PDCD11: variants seen among roughly 807,000 people sequenced by gnomAD.
PDCD11 encodes programmed cell death 11.
In PDCD11, 97 loss-of-function variants were observed where a neutral mutation model predicts 198.9. The ratio of observed to expected loss-of-function variants is 0.49; its 90% CI spans 0.41 to 0.58. PDCD11 has a LOEUF of 0.58. PDCD11 is among the 20% of genes least tolerant of loss of function. PDCD11 has a pLI of 0.00. For synonymous variants in PDCD11, 893 were observed against 918.0 expected (o/e 0.97, Z 0.49); for missense variants, 2,102 against 2,312.7 (o/e 0.91, Z 1.87).
At chr10:103,399,107 G>GT (rs71019680) in intron 2 of PDCD11, among the ~76,000 whole-genome samples, 1,814 of 125,884 alleles carry the variant, frequency 0.014, 13 homozygotes, top group Admixed American at 0.023. Context: ...AGAGGAAGCA[G>GT]TTTTTTTTTT....
At chr10:103,401,460 G>A (rs2030055240) in intron 3 of PDCD11, among the ~76,000 whole-genome samples, 1 of 151,876 alleles carries the variant, frequency 6.6e-6, no homozygotes, top group Non-Finnish European at 1.5e-5. Context: ...TAATAGAGAC[G>A]GGGTTTCACC....
rs192987206 is a variant in PDCD11 at position 103,439,963 on chromosome 10, T to C, written c.4148+95T>C. The C allele has an allele frequency of 1.3e-4, 190 of 1,454,244 alleles. No homozygotes were observed. In the Middle Eastern group the frequency reaches 1.8e-3, roughly 13 times the overall value. 90.1% of individuals were successfully genotyped at this position (1,454,244 alleles called of 1,614,324 possible). ...GAGATTTCAGGGTGAACTGTAAACA[T>C]AATGGCTTGCGTAGTGGTGTTCAGA... On this transcript the variant is annotated intron_variant, in intron 28 of 35. Transcript: ENST00000369797.
chr10:103,432,068 T>C, intron 21 of PDCD11, 61 bp from the exon 22 acceptor site: 2 of 1,308,636 alleles, frequency 1.5e-6, no homozygotes, highest in Non-Finnish European at 2.2e-6. Context: ...GAGAGATGGT[T>C]TCAAACTGGA....
intron 14 of PDCD11, 139 bp from the exon 15 acceptor site, chr10:103,418,301 G>C (rs1023799176): frequency 1.3e-5 from 9 of 680,844 alleles, no homozygotes; most frequent in African/African-American, 1.3e-4. Context: ...GGTTGGGGTG[G>C]TGGGTGGGGT....
rs375241866 is a variant in PDCD11, at chr10:103,415,935, G to A, written c.1519-556G>A. Among the ~76,000 whole-genome samples, 193 of 152,280 alleles carry A rather than the reference G, an allele frequency of 1.3e-3. 1 individual carries two copies. The highest frequency in any genetic ancestry group is 4.4e-3 in the African/African-American group (183 of 41,546). ...AGGCACTCAGCATGTTAGATTTTCC[G>A]GTATTCAGTTTATCTCATCGTTATT... On this transcript the variant is annotated intron_variant, in intron 12 of 35. Coordinates refer to ENST00000369797, the MANE Select transcript of PDCD11 (RefSeq NM_014976.2).
chr10:103,409,483 G>A (rs2030663338), intron 7 of PDCD11, among the ~76,000 whole-genome samples: 1 of 152,162 alleles, frequency 6.6e-6, no homozygotes, highest in Non-Finnish European at 1.5e-5. Flanking sequence ...TCTCTTAGCT[G>A]GAAGGGAGGT....
At chr10:103,401,883 C>T (rs1427928382) in intron 3 of PDCD11, among the ~76,000 whole-genome samples, 2 of 152,062 alleles carry the variant, frequency 1.3e-5, no homozygotes, top group Admixed American at 6.5e-5. Flanking sequence ...GCTGGGACTA[C>T]AGGCGCCCGC....
At chr10:103,422,172 C>G (rs1279669037) in intron 17 of PDCD11, among the ~76,000 whole-genome samples, 1 of 150,648 alleles carries the variant, frequency 6.6e-6, no homozygotes, top group East Asian at 2.0e-4. Context: ...CTTCCACCCC[C>G]CAGGTTCAAG....
rs1592126339 is a variant in PDCD11, at chr10:103,419,650, A to G, written c.2219A>G (p.Lys740Arg). 6.2e-7 allele frequency: 1 copy of G among 1,614,192 alleles called. No homozygotes were observed. The highest frequency in any genetic ancestry group is 8.5e-7 in the Non-Finnish European group (1 of 1,180,022). Residue 740 changes from lysine (K) to arginine (R), a missense_variant, in exon 16 of 36, where the codon AAG becomes AGG. By Grantham distance (26) the Lys-to-Arg change is conservative. Coordinates refer to ENST00000369797, the MANE Select transcript of PDCD11 (RefSeq NM_014976.2). ...CTCATTGGTTTTGTGAAGAGCATCA[A>G]GGACTATGGCGTGTTCATCCAGTTC... ...MLLIGFVKSIKDYGVFIQFPS... is the reference protein window; with the variant it reads ...MLLIGFVKSIRDYGVFIQFPS...
rs1356489746 is a variant in PDCD11 at position 103,432,134 on chromosome 10, T to A, written c.3374T>A (p.Leu1125Gln). ...IPELSVRPSELEDGHTALNTH... is the reference protein window; with the variant it reads ...IPELSVRPSEQEDGHTALNTH... ...CATTTCCTTTCTGCAAACAGTGAGC[T>A]GGAGGATGGCCACACTGCTCTTAAC... The change falls in exon 22 of 36, where the codon CTG becomes CAG. Residue 1125 changes from leucine to glutamine, a missense_variant. Coordinates refer to ENST00000369797, the MANE Select transcript of PDCD11 (RefSeq NM_014976.2). 13 of 1,611,732 alleles carry A rather than the reference T, an allele frequency of 8.1e-6. No homozygotes were observed. The highest frequency in any genetic ancestry group is 1.1e-5 in the Non-Finnish European group (13 of 1,177,922).
At chr10:103,443,828 C>G (rs1233975175) in intron 33 of PDCD11, 87 bp from the exon 34 acceptor site, 3 of 1,380,310 alleles carry the variant, frequency 2.2e-6, no homozygotes, top group Non-Finnish European at 3.0e-6. Context: ...GAGCCCAGGT[C>G]TAGCTTCTTG....
chr10:103,415,891 A>G (rs2031080565), intron 12 of PDCD11, among the ~76,000 whole-genome samples: 1 of 152,242 alleles, frequency 6.6e-6, no homozygotes. Context: ...GATGATGCAC[A>G]CAAGAGTGCT....
chr10:103,433,279 C>A (rs755153944), intron 22 of PDCD11, among the ~76,000 whole-genome samples: 9 of 152,056 alleles, frequency 5.9e-5, no homozygotes, highest in Non-Finnish European at 8.8e-5. Context: ...CAGATCACTT[C>A]AGGTCAGGAG....
At chr10:103,398,608 A>C in intron 2 of PDCD11, 80 bp downstream of exon 2, 1 of 933,414 alleles carries the variant, frequency 1.1e-6, no homozygotes, top group Non-Finnish European at 1.7e-6. Flanking sequence ...TTATTTGAGA[A>C]TGTGTTATTT....
Position 103,433,944 on chromosome 10 carries a change from T to G in PDCD11, c.3475-4T>G. ...CCCTACTCTGGTTCCTTTTTTTCCCTCAGTACAATGTGGTGAAGAAATGGC... is the reference window on the plus strand; with the variant it reads ...CCCTACTCTGGTTCCTTTTTTTCCCGCAGTACAATGTGGTGAAGAAATGGC... On this transcript the variant is annotated splice_region_variant and splice_polypyrimidine_tract_variant and intron_variant, in intron 22 of 35. Coordinates refer to ENST00000369797, the MANE Select transcript of PDCD11 (RefSeq NM_014976.2). The G allele has an allele frequency of 6.2e-7, 1 of 1,611,014 alleles. No homozygotes were observed. Among genetic ancestry groups the G allele is most frequent in the Non-Finnish European group, 8.5e-7 (1 of 1,177,218 alleles).
chr10:103,417,822 C>T lies in PDCD11; in HGVS notation c.1801C>T (p.Pro601Ser). The T allele has an allele frequency of 1.2e-6, 2 of 1,614,056 alleles. No individual in the cohort carries two copies. Among genetic ancestry groups the T allele is most frequent in the Non-Finnish European group, 1.7e-6 (2 of 1,179,988 alleles). The change falls in exon 14 of 36, where the codon CCA (proline) becomes TCA (serine). Residue 601 changes from proline to serine, a missense_variant. Coordinates refer to ENST00000369797, the MANE Select transcript of PDCD11 (RefSeq NM_014976.2). Reference sequence around the variant, plus strand: ...GAAGGTTGTCGTATTGAACTGTGAGCCATCCAAAGAGAGGATGCTCTTATC... The same window carrying T: ...GAAGGTTGTCGTATTGAACTGTGAGTCATCCAAAGAGAGGATGCTCTTATC... ...VVKVVVLNCE[P>S]SKERMLLSFK...
At chr10:103,411,534 T>C (rs1040799343) in intron 8 of PDCD11, among the ~76,000 whole-genome samples, 3 of 151,904 alleles carry the variant, frequency 2.0e-5, no homozygotes, top group Admixed American at 2.0e-4. Flanking sequence ...CCCAGCTAAT[T>C]TTTGCTATGT....
chr10:103,404,590 C>T (rs1421650239), intron 4 of PDCD11, among the ~76,000 whole-genome samples: 1 of 152,228 alleles, frequency 6.6e-6, no homozygotes, highest in Non-Finnish European at 1.5e-5. Context: ...TGAGCCACCA[C>T]ACCCGACCCT....
chr10:103,437,822 C>G (rs908553980), intron 25 of PDCD11, among the ~76,000 whole-genome samples, 193 bp from the exon 26 acceptor site: 1 of 152,158 alleles, frequency 6.6e-6, no homozygotes, highest in African/African-American at 2.4e-5. Flanking sequence ...GACTAGTAAA[C>G]TGAAGCCCAC....
Sources: gnomAD v4.1 joint callset for allele counts (sites outside exome capture counted in the v4.1 genomes callset) on GRCh38, gnomAD v4.1.1 for gene constraint, MANE v1.5 for transcripts, NCBI Gene and HGNC (gene_info 2026-07-23, HGNC 2026-07-21) for gene names.